SNTG1: variants seen among roughly 807,000 people sequenced by gnomAD.
SNTG1 encodes the protein syntrophin gamma 1.
A neutral mutation model predicts 74.7 loss-of-function variants in SNTG1; 39 were observed. That is an observed-to-expected ratio of 0.52 (90% CI 0.40 to 0.68). The LOEUF is 0.68. SNTG1 is among the 30% of genes least tolerant of loss of function. The pLI is 0.00. For synonymous variants in SNTG1, 254 were observed against 217.1 expected (o/e 1.17, Z -1.49); for missense variants, 685 against 609.5 (o/e 1.12, Z -1.30).
chr8:50,741,132 C>CT (rs2095542302), intron 17 of SNTG1, among the ~76,000 whole-genome samples: 1 of 151,706 alleles, frequency 6.6e-6, no homozygotes, highest in Non-Finnish European at 1.5e-5. Context: ...AAGAACTTTT[C>CT]TTTTTTTTCT....
At chr8:50,460,142 T>C (rs1175267734) in intron 8 of SNTG1, among the ~76,000 whole-genome samples, 1 of 152,182 alleles carries the variant, frequency 6.6e-6, no homozygotes, top group Non-Finnish European at 1.5e-5. Flanking sequence ...TGTATAAGCA[T>C]TCCCTTTTCT....
intron 1 of SNTG1, among the ~76,000 whole-genome samples, chr8:50,159,598 T>C (rs978774979): frequency 2.6e-5 from 4 of 152,232 alleles, no homozygotes; most frequent in Admixed American, 2.6e-4. Context: ...TTATCATGTT[T>C]ATATAGAGAA....
At chr8:50,372,518 A>C (rs2092292703) in intron 2 of SNTG1, among the ~76,000 whole-genome samples, 1 of 152,060 alleles carries the variant, frequency 6.6e-6, no homozygotes, top group African/African-American at 2.4e-5. Flanking sequence ...TTTATTTAAA[A>C]TGGGCAAATA....
chr8:50,151,408 C>A (rs1354766683), intron 1 of SNTG1, among the ~76,000 whole-genome samples: 1 of 151,966 alleles, frequency 6.6e-6, no homozygotes, highest in African/African-American at 2.4e-5. Flanking sequence ...GTGTCTCTAT[C>A]TTCTTCAGTT....
intron 11 of SNTG1, among the ~76,000 whole-genome samples, chr8:50,550,423 G>A (rs888635606): frequency 6.6e-6 from 1 of 152,046 alleles, no homozygotes; most frequent in Non-Finnish European, 1.5e-5. Flanking sequence ...AATTAGAAAT[G>A]ATATATATTT....
intron 13 of SNTG1, among the ~76,000 whole-genome samples, chr8:50,645,893 G>A (rs902646598): frequency 6.6e-6 from 1 of 151,944 alleles, no homozygotes; most frequent in Non-Finnish European, 1.5e-5. Flanking sequence ...GAAATGCTGA[G>A]GGGGAAAGTG....
At chr8:50,737,977 C>T (rs559624150) in intron 17 of SNTG1, among the ~76,000 whole-genome samples, 13 of 152,174 alleles carry the variant, frequency 8.5e-5, no homozygotes, top group Non-Finnish European at 1.5e-4. Context: ...AAGTGGGAAG[C>T]ATTCCCTTTG....
intron 13 of SNTG1, among the ~76,000 whole-genome samples, chr8:50,619,725 C>G (rs1292609381): frequency 7.3e-6 from 1 of 137,672 alleles, no homozygotes; most frequent in East Asian, 2.1e-4. Context: ...AGCGAGACTC[C>G]GTCTCGAAAA....
At chr8:50,007,618 T>C (rs2130525045) in intron 1 of SNTG1, among the ~76,000 whole-genome samples, 1 of 152,262 alleles carries the variant, frequency 6.6e-6, no homozygotes, top group African/African-American at 2.4e-5. Context: ...TCAGATATGC[T>C]ACATGGCAGG....
chr8:50,617,600 G>A (rs566647045), intron 13 of SNTG1, among the ~76,000 whole-genome samples: 7 of 152,198 alleles, frequency 4.6e-5, no homozygotes, highest in East Asian at 3.9e-4. Context: ...GGGTGTATTC[G>A]GCCTGGGGCA....
intron 2 of SNTG1, among the ~76,000 whole-genome samples, chr8:50,269,048 G>A (rs965340521): frequency 6.6e-6 from 1 of 152,050 alleles, no homozygotes; most frequent in Non-Finnish European, 1.5e-5. Flanking sequence ...GATTTAGTGG[G>A]CCAAGTAAAA....
chr8:50,488,522 C>A (rs371685635), intron 8 of SNTG1, among the ~76,000 whole-genome samples: 7 of 152,162 alleles, frequency 4.6e-5, no homozygotes, highest in Non-Finnish European at 1.0e-4. Context: ...TCTGCTCTTG[C>A]TTGTCTGCTC....
chr8:50,445,999 G>A (rs1037428076), intron 5 of SNTG1, among the ~76,000 whole-genome samples: 1 of 152,174 alleles, frequency 6.6e-6, no homozygotes, highest in Non-Finnish European at 1.5e-5. Flanking sequence ...GGAAGGAGGA[G>A]CATAACTGGC....
At chr8:50,494,157 A>T (rs574981995) in intron 8 of SNTG1, among the ~76,000 whole-genome samples, 1 of 150,972 alleles carries the variant, frequency 6.6e-6, no homozygotes, top group South Asian at 2.1e-4. Context: ...ATATACACAT[A>T]TATATATGTA....
chr8:50,132,337 C>A (rs572123345), intron 1 of SNTG1, among the ~76,000 whole-genome samples: 17 of 152,108 alleles, frequency 1.1e-4, no homozygotes, highest in Admixed American at 4.6e-4. Flanking sequence ...ATTGAAACAT[C>A]CTAAATTTTA....
intron 8 of SNTG1, among the ~76,000 whole-genome samples, chr8:50,496,957 C>T (rs1446911040): frequency 1.4e-5 from 2 of 141,708 alleles, no homozygotes; most frequent in Non-Finnish European, 3.1e-5. Context: ...ATATAATATG[C>T]ATTTAAAGCA....
rs117724566 is a variant in SNTG1 at position 50,617,997 on chromosome 8, T to G, written c.849+27080T>G. On this transcript the variant is annotated intron_variant, in intron 13 of 18. Coordinates refer to ENST00000642720, the MANE Select transcript of SNTG1 (RefSeq NM_018967.5). ...TATGAGGGGTGGTCTCCTCCCTTAC[T>G]CTCAGTATATGGAAGAAAGTCTGGC... 5.7e-4 allele frequency among the ~76,000 whole-genome samples: 87 copies of G among 152,310 alleles called. No individual in the cohort carries two copies. The East Asian group carries it at 0.014, about 25-fold the overall frequency.
intron 18 of SNTG1, among the ~76,000 whole-genome samples, chr8:50,778,964 T>C (rs2095649760): frequency 6.6e-6 from 1 of 152,166 alleles, no homozygotes; most frequent in African/African-American, 2.4e-5. Context: ...ATGGGGAATC[T>C]TTCCCCATTG....
chr8:49,981,120 C>A (rs528488462), intron 1 of SNTG1, among the ~76,000 whole-genome samples: 8 of 152,136 alleles, frequency 5.3e-5, no homozygotes, highest in Admixed American at 1.3e-4. Context: ...AATCTCCTGG[C>A]AGGCCAGGGT....
Sources: gnomAD v4.1 joint callset for allele counts (sites outside exome capture counted in the v4.1 genomes callset) on GRCh38, gnomAD v4.1.1 for gene constraint, MANE v1.5 for transcripts, NCBI Gene and HGNC (gene_info 2026-07-23, HGNC 2026-07-21) for gene names.